Variants in TTBK2 observed in about 807,000 individuals in gnomAD.
TTBK2 encodes the protein tau-tubulin kinase 2.
TTBK2 carries 28 observed loss-of-function variants against 110.8 expected under a neutral mutation model. The ratio of observed to expected loss-of-function variants is 0.25; its 90% CI spans 0.19 to 0.35. The LOEUF (loss-of-function observed/expected upper bound fraction) is 0.35. TTBK2 is among the 10% of genes least tolerant of loss of function. The probability of loss-of-function intolerance (pLI) is 1.00; values close to 1 mark genes in which losing one functional copy is unlikely to be tolerated. For synonymous variants in TTBK2, 532 were observed against 527.3 expected (o/e 1.01, Z -0.12); for missense variants, 1,369 against 1,500.3 (o/e 0.91, Z 1.45).
rs147891025 is a variant in TTBK2 at position 42,885,547 on chromosome 15, G to A, written c.-67-6863C>T. ...TCCCTTGGTGTTTAATCATTGCAGG[G>A]ACGCCTGCCTGATTATTCACCCACG... On this transcript the variant is annotated intron_variant, in intron 1 of 14. Transcript: ENST00000267890. 1.7e-3 allele frequency among the ~76,000 whole-genome samples: 266 copies of A among 152,304 alleles called. 1 individual carries two copies. The highest frequency in any genetic ancestry group is 6.2e-3 in the South Asian group (30 of 4,826).
In TTBK2 at chr15:42,746,118, T is replaced by C; in HGVS notation, c.3412A>G (p.Lys1138Glu). The C allele has an allele frequency of 3.1e-6, 5 of 1,614,092 alleles. No homozygotes were observed. Among genetic ancestry groups the C allele is most frequent in the Non-Finnish European group, 4.2e-6 (5 of 1,180,004 alleles). The change falls in exon 15 of 15, where the codon AAA (lysine) becomes GAA (glutamate). Residue 1138 changes from lysine (K) to glutamate (E), a missense_variant. Around this residue, in one of 4 missense-constraint regions of TTBK2, gnomAD observed 1,097 missense variants for 1,114.7 expected, o/e 0.98. Transcript: ENST00000267890. ...ACAACTGGACTCTTGGGTGGTGTTT[T>C]TGGATTGTGAGGAGATCCTGGACTC... ...CKSPGSPHNP[K>E]TPPKSPVVPR...
At chr15:42,816,567 C>T (rs1160348568) in intron 7 of TTBK2, among the ~76,000 whole-genome samples, 1 of 152,036 alleles carries the variant, frequency 6.6e-6, no homozygotes, top group East Asian at 1.9e-4. Flanking sequence ...TAGTGCCACA[C>T]AAGAATGAAT....
chr15:42,887,728 T>C (rs1895302220), intron 1 of TTBK2, among the ~76,000 whole-genome samples: 1 of 152,164 alleles, frequency 6.6e-6, no homozygotes, highest in Non-Finnish European at 1.5e-5. Context: ...ATCTCAAACA[T>C]GCTTTTTTTT....
chr15:42,874,916 G>A (rs1426820097), intron 2 of TTBK2, among the ~76,000 whole-genome samples: 2 of 150,266 alleles, frequency 1.3e-5, no homozygotes, highest in Non-Finnish European at 2.9e-5. Flanking sequence ...AACCTGGGAG[G>A]CAGAGGTTGC....
intron 11 of TTBK2, among the ~76,000 whole-genome samples, chr15:42,778,669 A>AAAAAAC (rs1442242282): frequency 6.6e-6 from 1 of 152,202 alleles, no homozygotes; most frequent in Non-Finnish European, 1.5e-5. Context: ...TTCCATCTCA[A>AAAAAAC]AAAAACAAAA....
intron 1 of TTBK2, among the ~76,000 whole-genome samples, chr15:42,918,367 G>A (rs2031196843): frequency 6.6e-6 from 1 of 151,646 alleles, no homozygotes. Context: ...TTTTTTTAAA[G>A]CAGCAAACAT....
chr15:42,790,687 A>G (rs887361003), intron 10 of TTBK2, among the ~76,000 whole-genome samples: 1 of 137,838 alleles, frequency 7.3e-6, no homozygotes, highest in Non-Finnish European at 1.5e-5. Flanking sequence ...AAATGCTCTT[A>G]GTTCTCTGTG....
At chr15:42,787,385 T>C (rs1890456742) in intron 10 of TTBK2, among the ~76,000 whole-genome samples, 1 of 152,204 alleles carries the variant, frequency 6.6e-6, no homozygotes, top group South Asian at 2.1e-4. Context: ...TCTTTAACAC[T>C]GATTCTCCAG....
intron 3 of TTBK2, among the ~76,000 whole-genome samples, chr15:42,843,666 G>A (rs1474985469): frequency 6.9e-6 from 1 of 145,344 alleles, no homozygotes; most frequent in Non-Finnish European, 1.5e-5. Flanking sequence ...GGCCGAGGCA[G>A]AAGAATCGCT....
intron 12 of TTBK2, 134 bp downstream of exon 12, chr15:42,776,897 A>G (rs1306448327): frequency 2.4e-6 from 2 of 828,902 alleles, no homozygotes; most frequent in Non-Finnish European, 3.9e-6. Flanking sequence ...GAATAGACTC[A>G]GTGTTACAAA....
intron 1 of TTBK2, among the ~76,000 whole-genome samples, chr15:42,905,490 C>T (rs1391212180): frequency 6.6e-6 from 1 of 152,060 alleles, no homozygotes; most frequent in Non-Finnish European, 1.5e-5. Flanking sequence ...CTCCTGAATT[C>T]AAGAGATCTT....
intron 3 of TTBK2, among the ~76,000 whole-genome samples, chr15:42,866,196 C>T (rs986055515): frequency 1.3e-5 from 2 of 151,408 alleles, no homozygotes; most frequent in Non-Finnish European, 2.9e-5. Flanking sequence ...CCCAGCTATT[C>T]GGGAGGCTGA....
At chr15:42,777,647 T>C (rs1235957348) in intron 11 of TTBK2, among the ~76,000 whole-genome samples, 3 of 152,166 alleles carry the variant, frequency 2.0e-5, no homozygotes, top group African/African-American at 7.2e-5. Context: ...CCTGAGTCGC[T>C]ATACCTCTTT....
At chr15:42,850,706 C>T (rs1008602221) in intron 3 of TTBK2, among the ~76,000 whole-genome samples, 9 of 152,046 alleles carry the variant, frequency 5.9e-5, no homozygotes, top group Non-Finnish European at 8.8e-5. Flanking sequence ...TTAGTAGAAT[C>T]ACAATTTTTT....
chr15:42,815,958 A>AATAGATATATATAT, intron 7 of TTBK2, among the ~76,000 whole-genome samples: 1 of 91,694 alleles, frequency 1.1e-5, no homozygotes, highest in Admixed American at 1.3e-4. Flanking sequence ...TTAAAAAAAA[A>AATAGATATATATAT]ATATATATAT....
intron 13 of TTBK2, among the ~76,000 whole-genome samples, chr15:42,758,215 G>C (rs947813967): frequency 3.3e-5 from 5 of 152,120 alleles, no homozygotes; most frequent in African/African-American, 7.2e-5. Context: ...TGTTGACAAA[G>C]ACAAATAATT....
rs185448970 is a variant in TTBK2, at chr15:42,812,559, T to C, written c.604-779A>G. 7.9e-5 allele frequency among the ~76,000 whole-genome samples: 12 copies of C among 152,254 alleles called. No homozygotes were observed. In the East Asian group the frequency reaches 2.1e-3, roughly 27 times the overall value. ...AATACATCCCTAAATTCAGACCTCATAGAAGTGCTATAGAAAAAGCCTCAC... is the reference window on the plus strand; with the variant it reads ...AATACATCCCTAAATTCAGACCTCACAGAAGTGCTATAGAAAAAGCCTCAC... On this transcript the variant is annotated intron_variant, in intron 7 of 14. Coordinates refer to ENST00000267890, the MANE Select transcript of TTBK2 (RefSeq NM_173500.4).
intron 2 of TTBK2, among the ~76,000 whole-genome samples, chr15:42,875,272 C>G (rs1162912817): frequency 6.6e-6 from 1 of 152,032 alleles, no homozygotes; most frequent in Non-Finnish European, 1.5e-5. Flanking sequence ...AAGAAATTAT[C>G]AAGGTTTATG....
intron 3 of TTBK2, among the ~76,000 whole-genome samples, chr15:42,851,700 G>GTA (rs555205351): frequency 2.2e-3 from 328 of 151,748 alleles, no homozygotes; most frequent in African/African-American, 5.0e-3. Flanking sequence ...GTATATATGT[G>GTA]TATATATATA....
Sources: allele counts gnomAD v4.1 joint callset (sites outside exome capture counted in the v4.1 genomes callset), GRCh38; gene constraint gnomAD v4.1.1; regional missense constraint gnomAD v4.1.1; transcripts MANE v1.5; gene names NCBI Gene and HGNC (gene_info 2026-07-23, HGNC 2026-07-21).